Variants in MMEL1 observed in about 807,000 individuals in gnomAD.
The protein encoded by MMEL1 is membrane metallo-endopeptidase-like 1.
MMEL1 carries 98 observed loss-of-function variants against 117.1 expected under a neutral mutation model. The ratio of observed to expected loss-of-function variants is 0.84; its 90% CI spans 0.71 to 0.99. The LOEUF is 0.99. Ranked by LOEUF, MMEL1 falls within the 50% of genes least tolerant of loss-of-function variation. The probability of loss-of-function intolerance (pLI) is 0.00; values close to 1 mark genes in which losing one functional copy is unlikely to be tolerated. For missense variants in MMEL1, 1,014 were observed against 1,049.1 expected (o/e 0.97, Z 0.46); for synonymous variants, 390 against 415.1 (o/e 0.94, Z 0.74).
chr1:2,591,864 C>T, intron 22 of MMEL1, 68 bp downstream of exon 22: 1 of 1,486,462 alleles, frequency 6.7e-7, no homozygotes, highest in South Asian at 1.1e-5. Flanking sequence ...TGGAGGTGCC[C>T]CAGAGTGGGC....
rs757809859 is a variant in MMEL1 at position 2,591,559 on chromosome 1, G to A, written c.2238C>T (p.Tyr746=). ...GGTTGTGAGCATGGGAGACTTGCCT[G>A]TACTTCAGGGGACTGTGGACGTCTG... ...IKTDVHSPLK[Y]RVLGSLQNLA... Residue 746 remains tyrosine, a splice_region_variant and synonymous_variant, in exon 23 of 24, where the codon TAC becomes TAT. Transcript: ENST00000378412. 21 of 1,613,586 alleles carry A rather than the reference G, an allele frequency of 1.3e-5. No individual in the cohort carries two copies. Among genetic ancestry groups the A allele is most frequent in the Admixed American group, 1.7e-5 (1 of 59,978 alleles).
intron 11 of MMEL1, among the ~76,000 whole-genome samples, chr1:2,599,684 CCT>C (rs983873829): frequency 3.3e-5 from 5 of 152,062 alleles, no homozygotes; most frequent in African/African-American, 1.2e-4. Context: ...ATGGTGAAAC[CCT>C]GTGTCTACTA....
Position 2,593,837 on chromosome 1 carries a change from A to G in MMEL1, c.1844T>C (p.Ile615Thr). Residue 615 changes from isoleucine (I) to threonine (T), a missense_variant, in exon 19 of 24, where the codon ATC (isoleucine) becomes ACC (threonine). Physicochemically the swap from Ile to Thr is moderately conservative, Grantham distance 89 (BLOSUM62 -1). Coordinates refer to ENST00000378412, the MANE Select transcript of MMEL1 (RefSeq NM_033467.4). ...ACCATTGTCGTCAAAGCCGTGCGTG[A>G]TCTCGTGCCCGATCACCATCCCAAT... ...GGIGMVIGHEITHGFDDNGRN... is the reference protein window; with the variant it reads ...GGIGMVIGHETTHGFDDNGRN... The G allele has an allele frequency of 6.2e-7, 1 of 1,610,522 alleles. No homozygotes were observed. The highest frequency in any genetic ancestry group is 1.1e-5 in the South Asian group (1 of 90,752).
intron 2 of MMEL1, among the ~76,000 whole-genome samples, chr1:2,615,321 T>C (rs1372617071): frequency 6.6e-6 from 1 of 152,200 alleles, no homozygotes; most frequent in East Asian, 1.9e-4. Context: ...TCATTGAAAG[T>C]GTGCACCTGT....
At chr1:2,620,767 A>T (rs1036924164) in intron 2 of MMEL1, among the ~76,000 whole-genome samples, 2 of 72,934 alleles carry the variant, frequency 2.7e-5, no homozygotes, top group African/African-American at 4.8e-5. Context: ...ATTTTTAAAC[A>T]ATAAAATAAT....
At chr1:2,611,403 G>T in intron 3 of MMEL1, 63 bp from the exon 4 acceptor site, 1 of 1,316,566 alleles carries the variant, frequency 7.6e-7, no homozygotes. Context: ...GACTGGAGTG[G>T]GTGTGGGCGG....
intron 2 of MMEL1, among the ~76,000 whole-genome samples, chr1:2,623,741 G>A (rs546073563): frequency 1.8e-4 from 28 of 152,364 alleles, no homozygotes; most frequent in African/African-American, 6.3e-4. Context: ...TCAGAAGGCT[G>A]GAGAGAGCCT....
At chr1:2,618,593 C>T (rs1055351698) in intron 2 of MMEL1, among the ~76,000 whole-genome samples, 5 of 152,170 alleles carry the variant, frequency 3.3e-5, no homozygotes, top group Non-Finnish European at 4.4e-5. Context: ...TAATCACAGA[C>T]GGCTTGTCAT....
intron 9 of MMEL1, 23 bp downstream of exon 9, chr1:2,605,535 C>G (rs1645008923): frequency 6.2e-7 from 1 of 1,604,744 alleles, no homozygotes; most frequent in Non-Finnish European, 8.5e-7. Flanking sequence ...GGTCATCTGG[C>G]ATTGCGGTGA....
chr1:2,592,034 G>C lies in MMEL1; in HGVS notation c.2068-7C>G. The C allele has an allele frequency of 6.2e-7, 1 of 1,611,280 alleles. No homozygotes were observed. The highest frequency in any genetic ancestry group is 8.5e-7 in the Non-Finnish European group (1 of 1,178,268). On this transcript the variant is annotated splice_polypyrimidine_tract_variant and splice_region_variant and intron_variant, in intron 21 of 23. Coordinates refer to ENST00000378412, the MANE Select transcript of MMEL1 (RefSeq NM_033467.4). Reference sequence around the variant, plus strand: ...CCATCCACTTGAGGTAGGCCTGCAGGCACCAGACAGGAGCTGAGCTCAGGC... The same window carrying C: ...CCATCCACTTGAGGTAGGCCTGCAGCCACCAGACAGGAGCTGAGCTCAGGC...
intron 2 of MMEL1, among the ~76,000 whole-genome samples, chr1:2,620,002 A>G (rs1645266831): frequency 6.6e-6 from 1 of 152,256 alleles, no homozygotes; most frequent in Non-Finnish European, 1.5e-5. Context: ...TGGGAGATAC[A>G]CCATCCAGGA....
At chr1:2,629,227 C>T in intron 2 of MMEL1, 104 bp downstream of exon 2, 1 of 1,287,626 alleles carries the variant, frequency 7.8e-7, no homozygotes, top group South Asian at 1.5e-5. Flanking sequence ...CCCCATCTGA[C>T]GGGCGGGCTC....
At chr1:2,616,912 C>G (rs1196247149) in intron 2 of MMEL1, among the ~76,000 whole-genome samples, 1 of 152,220 alleles carries the variant, frequency 6.6e-6, no homozygotes, top group East Asian at 1.9e-4. Flanking sequence ...AGGAAATTCA[C>G]CAGATGCTGC....
At position 2,593,848 on chromosome 1, in the gene MMEL1, G is replaced by C; in HGVS notation, c.1833C>G (p.Ile611Met). The change falls in exon 19 of 24, where the codon ATC becomes ATG. Residue 611 changes from isoleucine to methionine, a missense_variant. Ile to Met is a conservative substitution (Grantham distance 10). Transcript: ENST00000378412. Reference protein sequence around the residue: ...ALNFGGIGMVIGHEITHGFDD... With the variant: ...ALNFGGIGMVMGHEITHGFDD... ...CAAAGCCGTGCGTGATCTCGTGCCC[G>C]ATCACCATCCCAATGCCTCCAAAGT... The C allele has an allele frequency of 6.2e-7, 1 of 1,612,048 alleles. No homozygotes were observed. Among genetic ancestry groups the C allele is most frequent in the Non-Finnish European group, 8.5e-7 (1 of 1,178,880 alleles).
At position 2,620,779 on chromosome 1, in the gene MMEL1, A is replaced by AG. The variant is rs1374027899; in HGVS notation, c.154+8551_154+8552insC. Among the ~76,000 whole-genome samples the AG allele has an allele frequency of 6.7e-3, 5 of 748 alleles. No individual in the cohort carries two copies. The Admixed American group carries it at 0.12, about 17-fold the overall frequency. The allele number at this position is 748 out of a possible 152,430, so 0.5% of individuals were successfully genotyped here. On this transcript the variant is annotated intron_variant, in intron 2 of 23. Transcript: ENST00000378412. ...AACATTTTTAAACAATAAAATAATG[A>AG]AAAAAAAAAAGCATGGGCCTTGTGG...
Position 2,600,234 on chromosome 1 carries a change from C to G in MMEL1, c.1042-1444G>C, listed in dbSNP as rs184118852. On this transcript the variant is annotated intron_variant, in intron 11 of 23. Transcript: ENST00000378412. The stretch of plus-strand genomic sequence containing the variant: ...CCACCTGCCTCGGCCTCCCAAAGTG[C>G]TGGGATTACAGGCATGAGCCACCAT... Among the ~76,000 whole-genome samples the G allele has an allele frequency of 2.0e-3, 301 of 151,902 alleles. 3 individuals carry two copies. Among genetic ancestry groups the G allele is most frequent in the African/African-American group, 7.0e-3 (290 of 41,484 alleles).
Position 2,609,701 on chromosome 1 carries a change from G to A in MMEL1, c.423C>T (p.Val141=), listed in dbSNP as rs1342798191. ...GGATGACCTCCAGCTCGTCGCGGAG[G>A]ACGTCAAAGATGCTGTATCTTGAGT... ...ETNSRYSIFD[V]LRDELEVILK... is the part of the protein sequence containing the mutation. The change falls in exon 5 of 24, where the codon GTC becomes GTT. Residue 141 remains valine, a synonymous_variant. Transcript: ENST00000378412. 1 of 1,613,008 alleles carries A rather than the reference G, an allele frequency of 6.2e-7. No homozygotes were observed. The highest frequency in any genetic ancestry group is 2.2e-5 in the East Asian group (1 of 44,880).
At chr1:2,598,377 T>G in intron 12 of MMEL1, 77 bp from the exon 13 acceptor site, 1 of 1,459,090 alleles carries the variant, frequency 6.9e-7, no homozygotes, top group South Asian at 1.2e-5. Context: ...CTTAGGGCCC[T>G]TGGCCAGCAC....
Position 2,595,884 on chromosome 1 carries a change from G to T in MMEL1, c.1500+125C>A. On this transcript the variant is annotated intron_variant, in intron 15 of 23. Transcript: ENST00000378412. The surrounding 1 kb of genome is among the most constrained non-coding windows in gnomAD (Gnocchi z 4.8). ...CCTCCCGGGGCTGCCTTCTCCCCGT[G>T]GGGTCCTGTCTGCGCCTCCCGGGGC... 1.4e-6 allele frequency: 1 copy of T among 731,102 alleles called. No homozygotes were observed. The highest frequency in any genetic ancestry group is 1.6e-5 in the South Asian group (1 of 60,682). The allele number at this position is 731,102 out of a possible 1,614,324, so 45.3% of individuals were successfully genotyped here.
Sources: gnomAD v4.1 joint callset for allele counts (sites outside exome capture counted in the v4.1 genomes callset) on GRCh38, gnomAD v4.1.1 for gene constraint, Gnocchi (gnomAD v3.1) non-coding constraint, MANE v1.5 for transcripts, NCBI Gene and HGNC (gene_info 2026-07-23, HGNC 2026-07-21) for gene names.